The following KIAA1549L variants were observed in gnomAD, a reference collection of about 807,000 sequenced individuals.
KIAA1549L encodes UPF0606 protein KIAA1549L.
Under a neutral mutation model 160.7 loss-of-function variants are expected in KIAA1549L, and 88 were observed. That is an observed-to-expected ratio of 0.55 (90% confidence interval 0.46 to 0.65). The LOEUF (loss-of-function observed/expected upper bound fraction) is 0.65. Ranked by LOEUF, KIAA1549L falls within the 30% of genes least tolerant of loss-of-function variation. KIAA1549L has a pLI of 0.00. For synonymous variants in KIAA1549L, 950 were observed against 976.7 expected, an observed-to-expected ratio of 0.97 and a Z score of 0.51; for missense variants, 2,258 against 2,437.5, an observed-to-expected ratio of 0.93 and a Z score of 1.55.
intron 9 of KIAA1549L, 66 bp from the exon 10 acceptor site, chr11:33,574,636 C>G (rs1201235094): frequency 2.7e-6 from 4 of 1,468,158 alleles, no homozygotes; most frequent in Non-Finnish European, 3.7e-6. Context: ...ATCTGCTGAT[C>G]ACCTGGGTGA....
chr11:33,606,859 GC>G, intron 14 of KIAA1549L, 37 bp downstream of exon 14: 1 of 1,536,786 alleles, frequency 6.5e-7, no homozygotes, highest in Non-Finnish European at 8.8e-7. Flanking sequence ...AGATGGTCCG[GC>G]CAGACTTGGG....
intron 1 of KIAA1549L, among the ~76,000 whole-genome samples, chr11:33,423,383 A>C (rs1462790742): frequency 6.6e-6 from 1 of 152,250 alleles, no homozygotes; most frequent in African/African-American, 2.4e-5. Flanking sequence ...ACAATGCCTC[A>C]TAGAAATCAG....
intron 11 of KIAA1549L, among the ~76,000 whole-genome samples, chr11:33,588,540 A>G (rs1450070388): frequency 6.6e-6 from 1 of 152,246 alleles, no homozygotes; most frequent in Non-Finnish European, 1.5e-5. Context: ...GGCAGGAAAT[A>G]GTGAAACAGT....
At position 33,668,820 on chromosome 11, in the gene KIAA1549L, T is replaced by C. The variant is rs1168901325; in HGVS notation, c.*666T>C. 1 of 152,208 alleles carries C rather than the reference T, an allele frequency of 6.6e-6. No homozygotes were observed. Among genetic ancestry groups the C allele is most frequent in the Non-Finnish European group, 1.5e-5 (1 of 68,052 alleles). 9.4% of individuals were successfully genotyped at this position (152,208 alleles called of 1,614,324 possible). On this transcript the variant is annotated 3_prime_UTR_variant, in exon 21 of 21. Coordinates refer to ENST00000658780, the MANE Select transcript of KIAA1549L (RefSeq NM_012194.3). The stretch of plus-strand genomic sequence containing the variant: ...AAGAAAGAGAGAAGATGAGAGGGAA[T>C]GGTGGATTTGCGTTGACAGATTTTT...
At chr11:33,530,689 T>TGA (rs1425523295) in intron 1 of KIAA1549L, among the ~76,000 whole-genome samples, 9 of 151,862 alleles carry the variant, frequency 5.9e-5, no homozygotes, top group African/African-American at 2.2e-4. Flanking sequence ...TCTGTGTGTG[T>TGA]GATGTCCTAG....
intron 1 of KIAA1549L, among the ~76,000 whole-genome samples, chr11:33,520,685 AC>A (rs1853465956): frequency 1.4e-4 from 1 of 7,046 alleles, no homozygotes; most frequent in African/African-American, 7.3e-4. Context: ...CCCACCCCCA[AC>A]ACACACACAC....
intron 1 of KIAA1549L, among the ~76,000 whole-genome samples, chr11:33,451,457 T>C (rs1367503329): frequency 6.6e-6 from 1 of 152,260 alleles, no homozygotes; most frequent in Non-Finnish European, 1.5e-5. Context: ...GTGTTTATTT[T>C]TCCTGAAGTT....
chr11:33,532,238 T>C (rs1162439261), intron 1 of KIAA1549L, among the ~76,000 whole-genome samples: 1 of 152,216 alleles, frequency 6.6e-6, no homozygotes, highest in East Asian at 1.9e-4. Flanking sequence ...GTGATAGATA[T>C]GAAAATATCC....
intron 4 of KIAA1549L, among the ~76,000 whole-genome samples, chr11:33,549,913 G>A (rs959923096): frequency 2.0e-5 from 3 of 151,978 alleles, no homozygotes; most frequent in Non-Finnish European, 4.4e-5. Flanking sequence ...GCTGAGGTGG[G>A]AGAAATGCTT....
At chr11:33,558,196 G>T (rs1854713127) in intron 6 of KIAA1549L, among the ~76,000 whole-genome samples, 1 of 152,168 alleles carries the variant, frequency 6.6e-6, no homozygotes, top group South Asian at 2.1e-4. Context: ...GGAAAGACAG[G>T]GTGTTAGTCA....
intron 1 of KIAA1549L, among the ~76,000 whole-genome samples, chr11:33,382,148 T>A (rs1240310464): frequency 2.0e-5 from 3 of 151,640 alleles, no homozygotes; most frequent in Non-Finnish European, 4.4e-5. Flanking sequence ...GAGAGGGAGA[T>A]CTGAGCAAGG....
chr11:33,567,364 T>C (rs866973115), intron 8 of KIAA1549L, among the ~76,000 whole-genome samples: 1 of 152,214 alleles, frequency 6.6e-6, no homozygotes, highest in Non-Finnish European at 1.5e-5. Context: ...GGACTTGGAC[T>C]CAGAGAGGGC....
rs557445971 is a variant in KIAA1549L at position 33,667,031 on chromosome 11, T to C, written c.6160-842T>C. On this transcript the variant is annotated intron_variant, in intron 20 of 20. Transcript: ENST00000658780. ...AGTTCTGTTTGCTGGATTGTACTTA[T>C]ATGAATAAGGTAACTAAGTGCTGGG... Among the ~76,000 whole-genome samples, 20 of 152,312 alleles carry C rather than the reference T, an allele frequency of 1.3e-4. 1 individual carries two copies. Among genetic ancestry groups the C allele is most frequent in the African/African-American group, 4.1e-4 (17 of 41,548 alleles).
intron 1 of KIAA1549L, among the ~76,000 whole-genome samples, chr11:33,491,424 G>A (rs1006634773): frequency 3.3e-5 from 5 of 152,144 alleles, no homozygotes; most frequent in Non-Finnish European, 5.9e-5. Flanking sequence ...TGGGAAGAAG[G>A]GGCTTATGTA....
At position 33,542,057 on chromosome 11, in the gene KIAA1549L, A is replaced by G. The variant is rs757220739; in HGVS notation, c.494A>G (p.His165Arg). Residue 165 changes from histidine to arginine, a missense_variant, in exon 2 of 21, where the codon CAT becomes CGT. Transcript: ENST00000658780. ...FSSSLYQGSG[H>R]SASLEPSKDS... is the part of the protein sequence containing the mutation. ...TCTTCCCTTTACCAAGGAAGCGGACATAGCGCCTCCCTCGAACCTTCCAAG... is the reference window on the plus strand; with the variant it reads ...TCTTCCCTTTACCAAGGAAGCGGACGTAGCGCCTCCCTCGAACCTTCCAAG... 6.4e-6 allele frequency: 3 copies of G among 468,168 alleles called. No homozygotes were observed. Among genetic ancestry groups the G allele is most frequent in the African/African-American group, 2.0e-5 (1 of 50,552 alleles). The allele number at this position is 468,168 out of a possible 1,614,324, so 29.0% of individuals were successfully genotyped here.
intron 1 of KIAA1549L, among the ~76,000 whole-genome samples, chr11:33,382,430 T>C (rs1850090434): frequency 6.6e-6 from 1 of 152,034 alleles, no homozygotes; most frequent in Non-Finnish European, 1.5e-5. Context: ...TAACTGCAGA[T>C]GGTTCAAGAG....
At chr11:33,515,959 A>G (rs1853334306) in intron 1 of KIAA1549L, among the ~76,000 whole-genome samples, 1 of 152,204 alleles carries the variant, frequency 6.6e-6, no homozygotes, top group Admixed American at 6.5e-5. Flanking sequence ...AAGAAACCTC[A>G]GAGATCACCT....
intron 17 of KIAA1549L, among the ~76,000 whole-genome samples, chr11:33,652,605 A>G (rs1851929039): frequency 6.6e-6 from 1 of 152,248 alleles, no homozygotes; most frequent in South Asian, 2.1e-4. Context: ...TAAGCCTTCC[A>G]ACAACCTGAG....
chr11:33,492,327 A>G (rs2133069137), intron 1 of KIAA1549L, among the ~76,000 whole-genome samples: 1 of 152,294 alleles, frequency 6.6e-6, no homozygotes, highest in Non-Finnish European at 1.5e-5. Context: ...AGATCGTGCC[A>G]CTGCATTCCA....
Sources: allele counts gnomAD v4.1 joint callset (sites outside exome capture counted in the v4.1 genomes callset), GRCh38; gene constraint gnomAD v4.1.1; transcripts MANE v1.5; gene names NCBI Gene and HGNC (gene_info 2026-07-23, HGNC 2026-07-21).